Variants in PDE8A observed in about 807,000 individuals in gnomAD.
The protein encoded by PDE8A is high affinity cAMP-specific and IBMX-insensitive 3',5'-cyclic phosphodiesterase 8A.
PDE8A carries 59 observed loss-of-function variants against 105.0 expected under a neutral mutation model. That is an observed-to-expected ratio of 0.56 (90% CI 0.46 to 0.70). PDE8A has a LOEUF of 0.70. Among genes scored for constraint, PDE8A ranks in the 30% least tolerant of loss-of-function variants. The probability of loss-of-function intolerance (pLI) is 0.00; values close to 1 mark genes in which losing one functional copy is unlikely to be tolerated. For synonymous variants in PDE8A, 355 were observed against 371.9 expected (o/e 0.95, Z 0.52); for missense variants, 1,014 against 1,045.9 (o/e 0.97, Z 0.42).
intron 1 of PDE8A, among the ~76,000 whole-genome samples, chr15:84,997,570 G>T (rs1442974322): frequency 6.6e-6 from 1 of 151,630 alleles, no homozygotes. Flanking sequence ...TTATATGATG[G>T]TACTAATGCT....
At chr15:85,097,272 C>T (rs761346341) in intron 8 of PDE8A, among the ~76,000 whole-genome samples, 4 of 152,150 alleles carry the variant, frequency 2.6e-5, no homozygotes, top group Admixed American at 6.5e-5. Context: ...TCACCACAGC[C>T]CGGTTCTCTT....
At chr15:85,054,550 G>A (rs1002626617) in intron 1 of PDE8A, among the ~76,000 whole-genome samples, 1 of 152,188 alleles carries the variant, frequency 6.6e-6, no homozygotes, top group African/African-American at 2.4e-5. Flanking sequence ...TTTGGAGGGT[G>A]TATGTGTCCA....
chr15:85,032,604 T>C (rs1041016077), intron 1 of PDE8A, among the ~76,000 whole-genome samples: 2 of 152,202 alleles, frequency 1.3e-5, no homozygotes, highest in African/African-American at 4.8e-5. Flanking sequence ...TATGGGATTG[T>C]TTATTTTAAA....
intron 8 of PDE8A, among the ~76,000 whole-genome samples, chr15:85,093,789 A>G (rs2081691167): frequency 6.6e-6 from 1 of 152,002 alleles, no homozygotes; most frequent in African/African-American, 2.4e-5. Context: ...CTTGTCTATC[A>G]GGGCTTTAGA....
rs1437298147 is a variant in PDE8A, at chr15:84,988,223, C to G, written c.186+5875C>G. Among the ~76,000 whole-genome samples, 9 of 152,314 alleles carry G rather than the reference C, an allele frequency of 5.9e-5. No homozygotes were observed. The South Asian group carries it at 1.9e-3, about 32-fold the overall frequency. Reference sequence around the variant, plus strand: ...TGAGATTCAAATCCACTGGTCCTGGCTCTCACCTGTTAGGTTGTTGCTCTC... The same window carrying G: ...TGAGATTCAAATCCACTGGTCCTGGGTCTCACCTGTTAGGTTGTTGCTCTC... On this transcript the variant is annotated intron_variant, in intron 1 of 21. Transcript: ENST00000394553.
chr15:85,070,765 T>C (rs1277117802), intron 3 of PDE8A, among the ~76,000 whole-genome samples: 1 of 152,170 alleles, frequency 6.6e-6, no homozygotes, highest in Non-Finnish European at 1.5e-5. Context: ...GGCTGTGGAC[T>C]CTACCCCGTA....
chr15:85,057,621 C>G (rs2081082834), intron 1 of PDE8A, among the ~76,000 whole-genome samples: 1 of 152,206 alleles, frequency 6.6e-6, no homozygotes, highest in Non-Finnish European at 1.5e-5. Context: ...GTCGCGCACG[C>G]TGGGAGCTGT....
upstream of PDE8A, among the ~76,000 whole-genome samples, chr15:84,981,407 C>CGCCAGCA (rs530052760): frequency 7.7e-4 from 118 of 152,306 alleles, 2 homozygotes; most frequent in East Asian, 0.021. Flanking sequence ...GGAGCCGTAC[C>CGCCAGCA]GCCAGCAACT....
intron 1 of PDE8A, among the ~76,000 whole-genome samples, chr15:85,002,072 C>G (rs2080076118): frequency 6.6e-6 from 1 of 152,054 alleles, no homozygotes; most frequent in Admixed American, 6.6e-5. Flanking sequence ...CTAAAAAACT[C>G]CCACACACGT....
chr15:85,070,610 G>A (rs1372735363), intron 3 of PDE8A, among the ~76,000 whole-genome samples: 1 of 152,088 alleles, frequency 6.6e-6, no homozygotes, highest in Admixed American at 6.5e-5. Flanking sequence ...TAGAGGGAGC[G>A]GCATGTGTAG....
chr15:85,122,005 G>A (rs1208657719), intron 18 of PDE8A, among the ~76,000 whole-genome samples: 5 of 152,150 alleles, frequency 3.3e-5, no homozygotes, highest in African/African-American at 1.2e-4. Flanking sequence ...ACTCAAAGAA[G>A]CAGTCATCTA....
At chr15:85,114,761 A>G (rs912592487) in intron 14 of PDE8A, among the ~76,000 whole-genome samples, 1 of 152,220 alleles carries the variant, frequency 6.6e-6, no homozygotes, top group Admixed American at 6.5e-5. Flanking sequence ...CAATGCTGAT[A>G]ATATCTCACT....
chr15:85,007,669 C>A (rs2080171032), intron 1 of PDE8A, among the ~76,000 whole-genome samples: 5 of 151,928 alleles, frequency 3.3e-5, no homozygotes, highest in African/African-American at 4.8e-5. Context: ...GATTTCAAGT[C>A]ATATAAAATG....
chr15:85,137,132 G>A (rs1023525970), intron 21 of PDE8A, among the ~76,000 whole-genome samples: 13 of 152,118 alleles, frequency 8.5e-5, no homozygotes, highest in Non-Finnish European at 1.9e-4. Context: ...GATATTCCAC[G>A]TGCATCTTCG....
At chr15:85,113,286 C>A in intron 12 of PDE8A, 91 bp from the exon 13 acceptor site, 1 of 1,041,392 alleles carries the variant, frequency 9.6e-7, no homozygotes, top group Non-Finnish European at 1.5e-6. Context: ...CCTGCCCCTT[C>A]ATCATGCAGC....
chr15:85,031,161 G>A (rs1407107661), intron 1 of PDE8A, among the ~76,000 whole-genome samples: 1 of 152,162 alleles, frequency 6.6e-6, no homozygotes, highest in Non-Finnish European at 1.5e-5. Context: ...AAGCTACTAT[G>A]TTATCTAAAA....
At chr15:84,996,850 AGG>A (rs2079986919) in intron 1 of PDE8A, among the ~76,000 whole-genome samples, 1 of 146,762 alleles carries the variant, frequency 6.8e-6, no homozygotes, top group African/African-American at 2.5e-5. Flanking sequence ...AAAAAAAAAA[AGG>A]TGGTACACTT....
Position 85,126,373 on chromosome 15 carries a change from A to C in PDE8A, c.2252A>C (p.Gln751Pro). The C allele has an allele frequency of 6.4e-7, 1 of 1,569,836 alleles. No homozygotes were observed. The highest frequency in any genetic ancestry group is 8.7e-7 in the Non-Finnish European group (1 of 1,154,256). The change falls in exon 20 of 22, where the codon CAG becomes CCG. Residue 751 changes from glutamine (Q) to proline (P), a missense_variant and splice_region_variant. Gln to Pro is a moderately conservative substitution (Grantham distance 76). Transcript: ENST00000394553. ...AARISEEYFS[Q>P]TDEEKQQGLP... Reference sequence around the variant, plus strand: ...CGCATTTCGGAAGAATATTTTTCTCAGGTAAGTTGCTGCCTCTTTTAAGTT... The same window carrying C: ...CGCATTTCGGAAGAATATTTTTCTCCGGTAAGTTGCTGCCTCTTTTAAGTT...
intron 7 of PDE8A, among the ~76,000 whole-genome samples, chr15:85,089,971 T>C (rs753103601): frequency 6.6e-6 from 1 of 151,988 alleles, no homozygotes; most frequent in Non-Finnish European, 1.5e-5. Context: ...AAAAAGGGAG[T>C]TGCACCAGAA....
Sources: gnomAD v4.1 joint callset for allele counts (sites outside exome capture counted in the v4.1 genomes callset) on GRCh38, gnomAD v4.1.1 for gene constraint, MANE v1.5 for transcripts, NCBI Gene and HGNC (gene_info 2026-07-23, HGNC 2026-07-21) for gene names.